POU6F2: variants seen among roughly 807,000 people sequenced by gnomAD.
POU6F2 encodes the protein POU domain, class 6, transcription factor 2.
Under a neutral mutation model 71.3 loss-of-function variants are expected in POU6F2, and 31 were observed. That is an observed-to-expected ratio of 0.43 (90% CI 0.33 to 0.59). The LOEUF (loss-of-function observed/expected upper bound fraction) is 0.59, where lower values mean the gene tolerates loss of function less well. Ranked by LOEUF, POU6F2 falls within the 20% of genes least tolerant of loss-of-function variation. The probability of loss-of-function intolerance (pLI) is 0.04; values close to 1 mark genes in which losing one functional copy is unlikely to be tolerated. For missense variants in POU6F2, 783 were observed against 856.8 expected (o/e 0.91, Z 1.07); for synonymous variants, 347 against 355.7 (o/e 0.98, Z 0.27).
chr7:39,157,447 AT>A (rs1292251321), intron 2 of POU6F2, among the ~76,000 whole-genome samples: 1 of 152,170 alleles, frequency 6.6e-6, no homozygotes, highest in Non-Finnish European at 1.5e-5. Context: ...TTAAAAATAC[AT>A]TTAACATTAC....
At chr7:39,178,361 C>T (rs1793371432) in intron 2 of POU6F2, among the ~76,000 whole-genome samples, 1 of 152,062 alleles carries the variant, frequency 6.6e-6, no homozygotes, top group Non-Finnish European at 1.5e-5. Flanking sequence ...CTTCTATATG[C>T]CCCTATTGAA....
At chr7:39,195,542 C>G (rs934432153) in intron 2 of POU6F2, among the ~76,000 whole-genome samples, 46 of 152,160 alleles carry the variant, frequency 3.0e-4, no homozygotes, top group African/African-American at 1.0e-3. Flanking sequence ...TTGGTCTGAG[C>G]CAAGCGTGCG....
chr7:39,120,509 A>C (rs569724356), intron 2 of POU6F2, among the ~76,000 whole-genome samples: 1 of 152,224 alleles, frequency 6.6e-6, no homozygotes, highest in African/African-American at 2.4e-5. Flanking sequence ...ACTGATTTTC[A>C]TAGCTAGTCT....
At chr7:39,150,208 A>G (rs915636204) in intron 2 of POU6F2, among the ~76,000 whole-genome samples, 5 of 134,364 alleles carry the variant, frequency 3.7e-5, no homozygotes, top group Non-Finnish European at 6.2e-5. Context: ...TTCCTTTTTT[A>G]AGGCTGAGTA....
At chr7:39,085,541 A>C (rs921841782) in intron 1 of POU6F2, among the ~76,000 whole-genome samples, 3 of 151,938 alleles carry the variant, frequency 2.0e-5, no homozygotes, top group Non-Finnish European at 2.9e-5. Context: ...CATATCCCAC[A>C]ATTAAAGCTG....
At chr7:39,046,346 A>G (rs753930181) in intron 1 of POU6F2, among the ~76,000 whole-genome samples, 35 of 151,874 alleles carry the variant, frequency 2.3e-4, no homozygotes, top group Admixed American at 6.6e-4. Context: ...TTCTGGATAC[A>G]AGCACTTTGT....
chr7:39,043,887 G>T (rs1790241101), intron 1 of POU6F2, among the ~76,000 whole-genome samples: 1 of 151,842 alleles, frequency 6.6e-6, no homozygotes, highest in South Asian at 2.1e-4. Context: ...AGGTTTTCAG[G>T]AATCCCATAA....
At chr7:39,417,482 A>G (rs969878917) in intron 6 of POU6F2, among the ~76,000 whole-genome samples, 13 of 152,194 alleles carry the variant, frequency 8.5e-5, no homozygotes, top group African/African-American at 2.9e-4. Flanking sequence ...TGTCTCATCA[A>G]CTAAGCTTTC....
At chr7:39,356,445 A>C (rs1786259201) in intron 5 of POU6F2, among the ~76,000 whole-genome samples, 1 of 152,114 alleles carries the variant, frequency 6.6e-6, no homozygotes, top group African/African-American at 2.4e-5. Flanking sequence ...AGCCCTCAAC[A>C]ATCACTTTCC....
intron 1 of POU6F2, among the ~76,000 whole-genome samples, chr7:39,004,867 T>G (rs549607297): frequency 6.6e-6 from 1 of 152,186 alleles, no homozygotes; most frequent in African/African-American, 2.4e-5. Context: ...TGATTTGCTA[T>G]AGGACTTGCC....
chr7:39,374,046 T>C (rs888538823), intron 5 of POU6F2, among the ~76,000 whole-genome samples: 5 of 152,220 alleles, frequency 3.3e-5, no homozygotes, highest in Admixed American at 2.0e-4. Flanking sequence ...GCTGAACTTA[T>C]ATGTCAAACA....
intron 4 of POU6F2, among the ~76,000 whole-genome samples, chr7:39,229,980 C>G (rs1794544795): frequency 6.6e-6 from 1 of 152,218 alleles, no homozygotes; most frequent in Non-Finnish European, 1.5e-5. Flanking sequence ...CATTATCCTC[C>G]TCACTGTTCG....
chr7:39,252,838 C>G (rs1232144084), intron 4 of POU6F2, among the ~76,000 whole-genome samples: 3 of 152,164 alleles, frequency 2.0e-5, no homozygotes, highest in African/African-American at 7.2e-5. Context: ...CCCCAAACTC[C>G]CACCCCACAG....
intron 2 of POU6F2, among the ~76,000 whole-genome samples, chr7:39,151,373 A>G (rs570652116): frequency 6.6e-6 from 1 of 152,304 alleles, no homozygotes; most frequent in South Asian, 2.1e-4. Flanking sequence ...AATCATTCTG[A>G]TCACATGTAT....
At chr7:39,281,895 G>A (rs1029107024) in intron 4 of POU6F2, among the ~76,000 whole-genome samples, 1 of 152,044 alleles carries the variant, frequency 6.6e-6, no homozygotes, top group African/African-American at 2.4e-5. Context: ...TTCCAAAATG[G>A]CTATACTAAT....
chr7:39,452,502 C>G (rs1788685077), intron 8 of POU6F2, among the ~76,000 whole-genome samples: 1 of 152,162 alleles, frequency 6.6e-6, no homozygotes, highest in Non-Finnish European at 1.5e-5. Flanking sequence ...AATCCAGTAG[C>G]TATGGGTGCC....
chr7:39,287,380 C>A (rs1027794186), intron 4 of POU6F2, among the ~76,000 whole-genome samples: 1 of 152,128 alleles, frequency 6.6e-6, no homozygotes, highest in Admixed American at 6.6e-5. Context: ...CTGTATGTTA[C>A]CCCTGCTTTA....
At chr7:39,105,024 G>A (rs1406684855) in intron 2 of POU6F2, among the ~76,000 whole-genome samples, 2 of 152,258 alleles carry the variant, frequency 1.3e-5, no homozygotes, top group Non-Finnish European at 1.5e-5. Context: ...AAGAGGTTTA[G>A]TTTAAATTTT....
chr7:39,146,550 G>A (rs1792630377), intron 2 of POU6F2, among the ~76,000 whole-genome samples: 1 of 152,202 alleles, frequency 6.6e-6, no homozygotes, highest in Admixed American at 6.5e-5. Flanking sequence ...TAGTTTGATA[G>A]CCACGTTTGA....
Sources: gnomAD v4.1 joint callset for allele counts (sites outside exome capture counted in the v4.1 genomes callset) on GRCh38, gnomAD v4.1.1 for gene constraint, MANE v1.5 for transcripts, NCBI Gene and HGNC (gene_info 2026-07-23, HGNC 2026-07-21) for gene names.